The following MEGF11 variants were observed in gnomAD, a reference collection of about 807,000 sequenced individuals.
MEGF11 encodes multiple EGF like domains 11, also known as multiple epidermal growth factor-like domains protein 11.
MEGF11 carries 126 observed loss-of-function variants against 146.6 expected under a neutral mutation model. The observed-to-expected ratio is 0.86, with a 90% CI of 0.74 to 1.00. MEGF11 has a LOEUF of 1.00. Among genes scored for constraint, MEGF11 ranks in the 50% least tolerant of loss-of-function variants. MEGF11 has a pLI of 0.00. For missense variants in MEGF11, 1,509 were observed against 1,521.2 expected (o/e 0.99, Z 0.13); for synonymous variants, 532 against 583.4 (o/e 0.91, Z 1.27).
At chr15:65,996,432 A>G (rs1157787653) in intron 5 of MEGF11, among the ~76,000 whole-genome samples, 1 of 151,892 alleles carries the variant, frequency 6.6e-6, no homozygotes, top group Non-Finnish European at 1.5e-5. Context: ...TGCCCTTTAA[A>G]TACTGTGGGA....
At chr15:66,049,317 C>G (rs8034141) in intron 5 of MEGF11, among the ~76,000 whole-genome samples, 9,028 of 152,162 alleles carry the variant, frequency 0.059, 403 homozygotes, top group African/African-American at 0.11. Context: ...ACCTGGGGCT[C>G]CTGGGTCAGG....
chr15:66,114,935 T>C (rs2087646937), intron 4 of MEGF11, among the ~76,000 whole-genome samples: 1 of 152,228 alleles, frequency 6.6e-6, no homozygotes, highest in Non-Finnish European at 1.5e-5. Context: ...TCTGGGTCCC[T>C]GTTCCATCTC....
chr15:66,099,204 CTTTT>C (rs10683767), intron 4 of MEGF11, among the ~76,000 whole-genome samples: 130 of 105,854 alleles, frequency 1.2e-3, no homozygotes, highest in African/African-American at 3.7e-3. Context: ...CCTCCTTTTT[CTTTT>C]TTTTTTTTTT....
At chr15:65,937,446 G>A (rs1288142993) in intron 10 of MEGF11, among the ~76,000 whole-genome samples, 3 of 152,160 alleles carry the variant, frequency 2.0e-5, no homozygotes, top group Admixed American at 1.3e-4. Context: ...CTTCTCTTCC[G>A]ATAGATTCAT....
Position 65,938,392 on chromosome 15 carries a change from T to G in MEGF11, c.1288-7449A>C, listed in dbSNP as rs74023626. Reference sequence around the variant, plus strand: ...TTGGCCTGTGCCATCCCTGTTGATATGGAAAGTGCACTTGCCACCTAAGCA... The same window carrying G: ...TTGGCCTGTGCCATCCCTGTTGATAGGGAAAGTGCACTTGCCACCTAAGCA... On this transcript the variant is annotated intron_variant, in intron 10 of 25. Coordinates refer to ENST00000395614, the MANE Select transcript of MEGF11 (RefSeq NM_001385028.1). 2.7e-3 allele frequency among the ~76,000 whole-genome samples: 409 copies of G among 152,336 alleles called. 1 individual carries two copies. The highest frequency in any genetic ancestry group is 9.6e-3 in the African/African-American group (400 of 41,562).
chr15:66,219,051 A>G (rs1015336811), intron 1 of MEGF11, among the ~76,000 whole-genome samples: 9 of 151,614 alleles, frequency 5.9e-5, no homozygotes, highest in African/African-American at 1.9e-4. Flanking sequence ...AGACATGTCT[A>G]TAGGGAGAGA....
Position 65,906,138 on chromosome 15 carries a change from G to A in MEGF11, c.3002C>T (p.Ala1001Val). The change falls in exon 24 of 26, where the codon GCT becomes GTT. Residue 1001 changes from alanine (A) to valine (V), a missense_variant. By Grantham distance (64) the Ala-to-Val change is moderately conservative. Coordinates refer to ENST00000395614, the MANE Select transcript of MEGF11 (RefSeq NM_001385028.1). ...SRPAEPHSPGACGMDRRQNTY... is the reference protein window; with the variant it reads ...SRPAEPHSPGVCGMDRRQNTY... Reference sequence around the variant, plus strand: ...GTTCTGACGTCTATCCATTCCACAAGCACCTGTGTAAAAATAACATGTAAG... The same window carrying A: ...GTTCTGACGTCTATCCATTCCACAAACACCTGTGTAAAAATAACATGTAAG... 6.2e-7 allele frequency: 1 copy of A among 1,608,434 alleles called. No homozygotes were observed. Among genetic ancestry groups the A allele is most frequent in the Non-Finnish European group, 8.5e-7 (1 of 1,177,048 alleles).
chr15:65,899,485 G>A (rs1480793752), intron 24 of MEGF11, among the ~76,000 whole-genome samples: 2 of 152,132 alleles, frequency 1.3e-5, no homozygotes, highest in African/African-American at 4.8e-5. Context: ...TGGTATTATC[G>A]GTACGTGCCA....
chr15:66,040,824 G>C (rs777271519), intron 5 of MEGF11, among the ~76,000 whole-genome samples: 3 of 152,072 alleles, frequency 2.0e-5, no homozygotes, highest in Non-Finnish European at 4.4e-5. Flanking sequence ...GTTGTGCACT[G>C]CTCAAGGTAC....
intron 5 of MEGF11, among the ~76,000 whole-genome samples, chr15:66,001,963 G>A (rs2082380160): frequency 6.6e-6 from 1 of 152,178 alleles, no homozygotes; most frequent in African/African-American, 2.4e-5. Context: ...GGTCAGGGCT[G>A]GCAGGGGGAT....
intron 10 of MEGF11, among the ~76,000 whole-genome samples, chr15:65,940,065 T>G (rs1227739995): frequency 5.9e-5 from 9 of 151,994 alleles, no homozygotes; most frequent in Admixed American, 5.9e-4. Flanking sequence ...GAATAGAGCT[T>G]GTCAGTAATG....
At chr15:66,155,254 G>GCCC (rs1555477148) in intron 1 of MEGF11, among the ~76,000 whole-genome samples, 130 of 98,394 alleles carry the variant, frequency 1.3e-3, no homozygotes, top group African/African-American at 0.01. Context: ...ACATGGTGAT[G>GCCC]CCCCCCACCC....
chr15:66,141,252 G>A (rs1460205489), intron 1 of MEGF11, among the ~76,000 whole-genome samples: 3 of 134,692 alleles, frequency 2.2e-5, no homozygotes, highest in Non-Finnish European at 3.2e-5. Context: ...GTGTGTGTGT[G>A]TGTGTGTGTG....
At chr15:65,965,647 C>T in intron 8 of MEGF11, among the ~76,000 whole-genome samples, 1 of 72,902 alleles carries the variant, frequency 1.4e-5, no homozygotes, top group African/African-American at 4.8e-5. Flanking sequence ...ATTCTTTTCG[C>T]CCTCTGAGGA....
chr15:66,047,248 C>CT (rs1260197904), intron 5 of MEGF11, among the ~76,000 whole-genome samples: 2 of 152,158 alleles, frequency 1.3e-5, no homozygotes, highest in East Asian at 1.9e-4. Context: ...GTGAAAAGAG[C>CT]TTTTTTTGTT....
chr15:66,226,548 C>G (rs2091857430), intron 1 of MEGF11, among the ~76,000 whole-genome samples: 1 of 152,090 alleles, frequency 6.6e-6, no homozygotes, highest in Non-Finnish European at 1.5e-5. Context: ...GCACCCAGCC[C>G]CTTAATTTAC....
chr15:65,911,967 G>T, intron 21 of MEGF11, 115 bp downstream of exon 21: 1 of 475,780 alleles, frequency 2.1e-6, no homozygotes, highest in Non-Finnish European at 3.4e-6. Flanking sequence ...TGTATTGGTG[G>T]TCAGTTCTAC....
rs767411806 is a variant in MEGF11, at chr15:65,909,736, T to C, written c.2896+4A>G. 2.7e-5 allele frequency: 42 copies of C among 1,572,650 alleles called. No homozygotes were observed. The highest frequency in any genetic ancestry group is 3.4e-5 in the Non-Finnish European group (40 of 1,167,066). The stretch of plus-strand genomic sequence containing the variant: ...GTGGGGACCAGACTCACACCACTAC[T>C]GACCTAACACGTTCACATAGCTGTA... On this transcript the variant is annotated splice_donor_region_variant and intron_variant, in intron 22 of 25. Coordinates refer to ENST00000395614, the MANE Select transcript of MEGF11 (RefSeq NM_001385028.1).
intron 4 of MEGF11, among the ~76,000 whole-genome samples, chr15:66,097,857 G>A (rs530710881): frequency 3.9e-5 from 6 of 152,132 alleles, no homozygotes; most frequent in South Asian, 2.1e-4. Context: ...AAGCCTGCTC[G>A]CACAGGGTAA....
Sources: allele counts gnomAD v4.1 joint callset (sites outside exome capture counted in the v4.1 genomes callset), GRCh38; gene constraint gnomAD v4.1.1; transcripts MANE v1.5; gene names NCBI Gene and HGNC (gene_info 2026-07-23, HGNC 2026-07-21).